SAMD8: variants seen among roughly 807,000 people sequenced by gnomAD.
SAMD8 encodes the protein sphingomyelin synthase-related protein 1.
In SAMD8, 20 loss-of-function variants were observed where a neutral mutation model predicts 42.0. The ratio of observed to expected loss-of-function variants is 0.48; its 90% CI spans 0.34 to 0.69. The LOEUF (loss-of-function observed/expected upper bound fraction) is 0.69. SAMD8 is among the 30% of genes least tolerant of loss of function. The probability of loss-of-function intolerance (pLI) is 0.01; values close to 1 mark genes in which losing one functional copy is unlikely to be tolerated. For synonymous variants in SAMD8, 162 were observed against 173.0 expected (o/e 0.94, Z 0.50); for missense variants, 328 against 511.6 (o/e 0.64, Z 3.46).
In SAMD8 at chr10:75,157,888, G is replaced by T. The variant is rs143689478; in HGVS notation, c.579-6757G>T. ...TGAGGAAAGAAGTAAGGCCGGGCGC[G>T]GTGTCTCACGCCTATAATCCCAGCA... On this transcript the variant is annotated intron_variant, in intron 2 of 5. Transcript: ENST00000542569. Among the ~76,000 whole-genome samples, 638 of 152,202 alleles carry T rather than the reference G, an allele frequency of 4.2e-3. 3 individuals are homozygous for T. The highest frequency in any genetic ancestry group is 0.015 in the African/African-American group (604 of 41,516).
At chr10:75,106,101 CTTTTTTT>C (rs767630456) in intron 1 of SAMD8, among the ~76,000 whole-genome samples, 1 of 123,022 alleles carries the variant, frequency 8.1e-6, no homozygotes, top group Non-Finnish European at 1.7e-5. Flanking sequence ...TCTTTCTTTT[CTTTTTTT>C]TTTTTTTTTT....
At chr10:75,118,835 T>C (rs1209660736) in intron 1 of SAMD8, among the ~76,000 whole-genome samples, 1 of 152,238 alleles carries the variant, frequency 6.6e-6, no homozygotes, top group African/African-American at 2.4e-5. Flanking sequence ...AATTAAACCT[T>C]ATCCTCCTAC....
At chr10:75,121,523 C>T (rs1405717208) in intron 1 of SAMD8, among the ~76,000 whole-genome samples, 1 of 152,160 alleles carries the variant, frequency 6.6e-6, no homozygotes, top group Non-Finnish European at 1.5e-5. Flanking sequence ...ATCTCTGGAT[C>T]CCTTATGAGA....
intron 4 of SAMD8, among the ~76,000 whole-genome samples, chr10:75,169,124 CGTGCCA>C (rs1013043029): frequency 2.4e-5 from 3 of 127,128 alleles, no homozygotes; most frequent in African/African-American, 9.1e-5. Context: ...GAGCTGAGAT[CGTGCCA>C]CTGCACTCCA....
chr10:75,102,999 C>T (rs1164706388), intron 1 of SAMD8, among the ~76,000 whole-genome samples: 1 of 151,842 alleles, frequency 6.6e-6, no homozygotes, highest in Non-Finnish European at 1.5e-5. Flanking sequence ...TATAGTCCCT[C>T]CTACTCGGGA....
intron 1 of SAMD8, among the ~76,000 whole-genome samples, chr10:75,145,996 C>G (rs533735638): frequency 2.0e-5 from 3 of 152,252 alleles, no homozygotes; most frequent in African/African-American, 7.2e-5. Context: ...TGCTGATAGG[C>G]ATTCAGCTAA....
chr10:75,155,835 A>G (rs749396456), intron 2 of SAMD8, among the ~76,000 whole-genome samples: 1 of 152,210 alleles, frequency 6.6e-6, no homozygotes, highest in African/African-American at 2.4e-5. Context: ...AATGAAGACA[A>G]TTTCTGTGAG....
chr10:75,111,840 C>T lies in SAMD8; in HGVS notation c.-16+118C>T, dbSNP rs531628778. 2.5e-6 allele frequency: 3 copies of T among 1,179,736 alleles called. No homozygotes were observed. The South Asian group carries it at 1.3e-4, about 52-fold the overall frequency. The allele number at this position is 1,179,736 out of a possible 1,614,324, so 73.1% of individuals were successfully genotyped here. A position where few individuals can be genotyped will look rare whatever the true frequency, so the allele number is the denominator to read the frequency against. On this transcript the variant is annotated intron_variant, in intron 1 of 5. Transcript: ENST00000542569. ...GAGGGACCGCGACCTGGAGGGGCCC[C>T]GGGGAGACGGTTGAGGGAACCGGGA...
chr10:75,176,487 A>T lies in SAMD8; in HGVS notation c.1043A>T (p.Asp348Val). The T allele has an allele frequency of 6.4e-7, 1 of 1,550,952 alleles. No individual in the cohort carries two copies. Among genetic ancestry groups the T allele is most frequent in the East Asian group, 2.4e-5 (1 of 40,916 alleles). ...ILAAHEHYSIDVFIAFYITTR... is the reference protein window; with the variant it reads ...ILAAHEHYSIVVFIAFYITTR... ...GCTGCCCATGAACATTATTCTATTGATGTGTTTATTGCTTTTTATATAACA... is the reference window on the plus strand; with the variant it reads ...GCTGCCCATGAACATTATTCTATTGTTGTGTTTATTGCTTTTTATATAACA... Residue 348 changes from aspartate (D) to valine (V), a missense_variant, in exon 6 of 6, where the codon GAT becomes GTT. Around this residue, in one of 2 missense-constraint regions of SAMD8, gnomAD observed 178 missense variants for 325.6 expected, o/e 0.55. Transcript: ENST00000542569. This position sits in a 1 kb window ranked among gnomAD's most constrained non-coding sequence, Gnocchi z 4.3.
At chr10:75,108,291 G>A (rs1848642811), upstream of SAMD8, 10 of 1,509,468 alleles carry the variant, frequency 6.6e-6, no homozygotes, top group East Asian at 2.3e-4. Context: ...CTGCTGCAGA[G>A]GGACCGAGCC....
At chr10:75,149,192 T>C (rs1042372719) in intron 1 of SAMD8, among the ~76,000 whole-genome samples, 15 of 152,226 alleles carry the variant, frequency 9.9e-5, no homozygotes, top group Non-Finnish European at 1.8e-4. Flanking sequence ...TAGTGTTTTT[T>C]TCCATGTAGG....
At chr10:75,100,897 C>T (rs773660312) in intron 1 of SAMD8, among the ~76,000 whole-genome samples, 3 of 152,264 alleles carry the variant, frequency 2.0e-5, no homozygotes, top group African/African-American at 7.2e-5. Context: ...CCCAAGACAT[C>T]GGGCAGAGGC....
At chr10:75,108,943 G>A, upstream of SAMD8, 1 of 1,535,246 alleles carries the variant, frequency 6.5e-7, no homozygotes, top group Non-Finnish European at 8.8e-7. Context: ...CCTGTGTCTG[G>A]TAAAGCGACC....
intron 1 of SAMD8, among the ~76,000 whole-genome samples, chr10:75,115,147 A>G (rs2134415781): frequency 6.6e-6 from 1 of 152,336 alleles, no homozygotes. Flanking sequence ...ACAAATAAAG[A>G]GTTACTTATT....
intron 1 of SAMD8, among the ~76,000 whole-genome samples, chr10:75,126,499 CTTTTT>C (rs779589994): frequency 8.7e-6 from 1 of 115,556 alleles, no homozygotes; most frequent in Non-Finnish European, 1.8e-5. Context: ...AGTGCTTTTG[CTTTTT>C]TTTTTTTTTT....
intron 1 of SAMD8, among the ~76,000 whole-genome samples, chr10:75,135,846 T>C (rs1839874875): frequency 6.6e-6 from 1 of 151,878 alleles, no homozygotes; most frequent in South Asian, 2.1e-4. Context: ...AAAAAAATCT[T>C]GTTTAGAAGG....
At chr10:75,109,152 A>G, upstream of SAMD8, 1 of 1,589,560 alleles carries the variant, frequency 6.3e-7, no homozygotes, top group Non-Finnish European at 8.6e-7. Flanking sequence ...GAGAGGTCTC[A>G]GCCATGGGCC....
chr10:75,114,908 T>C (rs1848842684), intron 1 of SAMD8, among the ~76,000 whole-genome samples: 1 of 152,222 alleles, frequency 6.6e-6, no homozygotes, highest in Admixed American at 6.5e-5. Flanking sequence ...ATACGAGATA[T>C]GAATACAATT....
At chr10:75,126,202 C>G (rs1270709573) in intron 1 of SAMD8, among the ~76,000 whole-genome samples, 2 of 152,222 alleles carry the variant, frequency 1.3e-5, no homozygotes, top group East Asian at 3.8e-4. Flanking sequence ...TCAAAAGTCA[C>G]TTCCAAGAAC....
Sources: allele counts gnomAD v4.1 joint callset (sites outside exome capture counted in the v4.1 genomes callset), GRCh38; gene constraint gnomAD v4.1.1; regional missense constraint gnomAD v4.1.1; non-coding constraint Gnocchi (gnomAD v3.1); transcripts MANE v1.5; gene names NCBI Gene and HGNC (gene_info 2026-07-23, HGNC 2026-07-21).